SGCZ: variants seen among roughly 807,000 people sequenced by gnomAD.
SGCZ encodes sarcoglycan zeta, also known as zeta-sarcoglycan.
A neutral mutation model predicts 41.3 loss-of-function variants in SGCZ; 40 were observed. The ratio of observed to expected loss-of-function variants is 0.97; its 90% confidence interval spans 0.75 to 1.26. The LOEUF is 1.26. SGCZ is among the 50% of genes most tolerant of loss of function. SGCZ has a pLI of 0.00. For synonymous variants in SGCZ, 206 were observed against 137.5 expected, an observed-to-expected ratio of 1.50 and a Z score of -3.49; for missense variants, 552 against 369.8, an observed-to-expected ratio of 1.49 and a Z score of -4.04.
At chr8:14,483,520 G>A (rs887727759) in intron 2 of SGCZ, among the ~76,000 whole-genome samples, 10 of 152,190 alleles carry the variant, frequency 6.6e-5, no homozygotes, top group African/African-American at 2.4e-4. Flanking sequence ...ATAGTGAACT[G>A]TGATTGCACT....
At chr8:14,923,769 T>C (rs1184581198) in intron 1 of SGCZ, among the ~76,000 whole-genome samples, 1 of 152,232 alleles carries the variant, frequency 6.6e-6, no homozygotes, top group Non-Finnish European at 1.5e-5. Context: ...ATTCATGTTT[T>C]TAAATTGTAT....
intron 1 of SGCZ, among the ~76,000 whole-genome samples, chr8:14,731,064 T>C (rs1207675060): frequency 1.3e-5 from 2 of 151,850 alleles, no homozygotes; most frequent in Non-Finnish European, 2.9e-5. Context: ...TAAATAATTC[T>C]ACCATAAACA....
chr8:14,215,848 A>G (rs1805975644), intron 4 of SGCZ, among the ~76,000 whole-genome samples: 1 of 152,240 alleles, frequency 6.6e-6, no homozygotes, highest in Non-Finnish European at 1.5e-5. Flanking sequence ...TCCCAAAAAG[A>G]AAATACCTTG....
In SGCZ at chr8:14,699,405, G is replaced by C. The variant is rs554680623; in HGVS notation, c.40-144479C>G. On this transcript the variant is annotated intron_variant, in intron 1 of 7. Transcript: ENST00000382080. ...TCAATAAGTGGTGCTAGGGATAACTGACTACCATATGCAGTAGATTGAAAC... is the reference window on the plus strand; with the variant it reads ...TCAATAAGTGGTGCTAGGGATAACTCACTACCATATGCAGTAGATTGAAAC... Among the ~76,000 whole-genome samples the C allele has an allele frequency of 8.6e-5, 13 of 151,750 alleles. No individual in the cohort carries two copies. In the South Asian group the frequency reaches 2.7e-3, roughly 32 times the overall value.
chr8:14,546,339 A>G (rs1473419629), intron 2 of SGCZ, among the ~76,000 whole-genome samples: 1 of 152,174 alleles, frequency 6.6e-6, no homozygotes, highest in Non-Finnish European at 1.5e-5. Flanking sequence ...GCGGGCAAAA[A>G]CTACGGGCTT....
In SGCZ at chr8:14,621,199, A is replaced by G. The variant is rs572640330; in HGVS notation, c.40-66273T>C. ...AAACTATCACAAGGACAAAAAACCA[A>G]AACCGCATGTTCTCACTCATAGGTG... On this transcript the variant is annotated intron_variant, in intron 1 of 7. Transcript: ENST00000382080. Among the ~76,000 whole-genome samples the G allele has an allele frequency of 1.7e-4, 26 of 150,136 alleles. No individual in the cohort carries two copies. The East Asian group carries it at 4.8e-3, about 28-fold the overall frequency.
chr8:14,625,867 C>T (rs181799574), intron 1 of SGCZ, among the ~76,000 whole-genome samples: 1 of 152,226 alleles, frequency 6.6e-6, no homozygotes, highest in East Asian at 1.9e-4. Context: ...GCAGAATTAC[C>T]ATCACCTTAA....
chr8:14,745,720 C>G (rs534414266), intron 1 of SGCZ, among the ~76,000 whole-genome samples: 14 of 151,736 alleles, frequency 9.2e-5, no homozygotes, highest in Admixed American at 3.3e-4. Context: ...TGAAATTTAA[C>G]CGAGCTACAA....
intron 1 of SGCZ, among the ~76,000 whole-genome samples, chr8:14,635,181 T>C (rs1806788646): frequency 6.6e-6 from 1 of 151,896 alleles, no homozygotes; most frequent in African/African-American, 2.4e-5. Context: ...TGAAAGAAAA[T>C]AGATATTCGT....
intron 1 of SGCZ, among the ~76,000 whole-genome samples, chr8:14,633,941 T>A (rs1806742311): frequency 6.6e-6 from 1 of 151,886 alleles, no homozygotes; most frequent in African/African-American, 2.4e-5. Flanking sequence ...TTTTCGCAGT[T>A]CAGAAATGAA....
chr8:14,174,314 C>T (rs1032025361), intron 4 of SGCZ, among the ~76,000 whole-genome samples: 4 of 152,100 alleles, frequency 2.6e-5, no homozygotes, highest in African/African-American at 9.7e-5. Flanking sequence ...CATAAACAGA[C>T]TCAATGCATG....
chr8:14,476,763 G>A (rs11988347), intron 2 of SGCZ, among the ~76,000 whole-genome samples: 5,405 of 152,228 alleles, frequency 0.036, 298 homozygotes, highest in African/African-American at 0.12. Flanking sequence ...GTTGTGACAA[G>A]TTGGCTGCCA....
chr8:14,128,932 G>A lies in SGCZ; in HGVS notation c.548-20697C>T, dbSNP rs542933428. Among the ~76,000 whole-genome samples the A allele has an allele frequency of 4.3e-4, 66 of 152,252 alleles. 1 individual carries two copies. The highest frequency in any genetic ancestry group is 1.5e-3 in the African/African-American group (62 of 41,550). The stretch of plus-strand genomic sequence containing the variant: ...AATTGACAATAGAGACTCCAAAAGT[G>A]GACGGTGGAGAGGAGGATGAGGGAT... On this transcript the variant is annotated intron_variant, in intron 5 of 7. Transcript: ENST00000382080.
At chr8:14,296,756 C>G (rs1203072151) in intron 3 of SGCZ, among the ~76,000 whole-genome samples, 1 of 151,662 alleles carries the variant, frequency 6.6e-6, no homozygotes, top group Admixed American at 6.6e-5. Flanking sequence ...AGGCTATTTA[C>G]TTAATCTAAA....
At chr8:14,884,347 G>T (rs981836940) in intron 1 of SGCZ, among the ~76,000 whole-genome samples, 1 of 152,042 alleles carries the variant, frequency 6.6e-6, no homozygotes, top group Non-Finnish European at 1.5e-5. Context: ...TTAAGGAACA[G>T]TGTGATATAA....
intron 2 of SGCZ, among the ~76,000 whole-genome samples, chr8:14,355,592 A>C (rs1440991919): frequency 1.3e-5 from 2 of 151,952 alleles, no homozygotes; most frequent in Non-Finnish European, 2.9e-5. Context: ...TGACAGAGTT[A>C]ATTAAAACAA....
In SGCZ at chr8:14,160,939, C is replaced by G. The variant is rs548453203; in HGVS notation, c.547+3641G>C. Among the ~76,000 whole-genome samples, 10 of 152,256 alleles carry G rather than the reference C, an allele frequency of 6.6e-5. No homozygotes were observed. In the South Asian group the frequency reaches 2.1e-3, roughly 32 times the overall value. ...CAAGTTCCTTTATAAAATGGCATTGCTCAAAAAATATAAAGCTGCAAGGCA... is the reference window on the plus strand; with the variant it reads ...CAAGTTCCTTTATAAAATGGCATTGGTCAAAAAATATAAAGCTGCAAGGCA... On this transcript the variant is annotated intron_variant, in intron 5 of 7. Transcript: ENST00000382080.
chr8:14,847,714 G>A (rs1302268497), intron 1 of SGCZ, among the ~76,000 whole-genome samples: 1 of 122,008 alleles, frequency 8.2e-6, no homozygotes, highest in East Asian at 2.6e-4. Flanking sequence ...AGGGAGGGGA[G>A]GAGGAAAGGG....
intron 2 of SGCZ, among the ~76,000 whole-genome samples, chr8:14,375,988 G>T (rs199511973): frequency 6.6e-6 from 1 of 152,088 alleles, no homozygotes; most frequent in East Asian, 1.9e-4. Flanking sequence ...TGAGAAAAAA[G>T]CATAAATAAG....
Sources: gnomAD v4.1 joint callset for allele counts (sites outside exome capture counted in the v4.1 genomes callset) on GRCh38, gnomAD v4.1.1 for gene constraint, MANE v1.5 for transcripts, NCBI Gene and HGNC (gene_info 2026-07-23, HGNC 2026-07-21) for gene names.